The following FBXL2 variants were observed in gnomAD, a reference collection of about 807,000 sequenced individuals.
The protein encoded by FBXL2 is F-box and leucine rich repeat protein 2.
Under a neutral mutation model 69.2 loss-of-function variants are expected in FBXL2, and 38 were observed. The observed-to-expected ratio is 0.55, with a 90% CI of 0.42 to 0.72. The LOEUF is 0.72. FBXL2 is among the 30% of genes least tolerant of loss of function. FBXL2 has a pLI of 0.00. For synonymous variants in FBXL2, 192 were observed against 201.3 expected, an observed-to-expected ratio of 0.95 and a Z score of 0.39; for missense variants, 354 against 520.3, an observed-to-expected ratio of 0.68 and a Z score of 3.11.
intron 5 of FBXL2, among the ~76,000 whole-genome samples, chr3:33,370,874 G>C (rs1021880271): frequency 5.9e-5 from 9 of 152,126 alleles, no homozygotes; most frequent in African/African-American, 2.2e-4. Context: ...AGTTCCTTGG[G>C]TCTATGGGTT....
intron 1 of FBXL2, among the ~76,000 whole-genome samples, chr3:33,288,812 G>C (rs1294670745): frequency 1.3e-5 from 2 of 152,078 alleles, no homozygotes; most frequent in Non-Finnish European, 2.9e-5. Context: ...GGGATTGGTG[G>C]GGTTTATGTA....
At chr3:33,346,141 C>T (rs2040415374) in intron 2 of FBXL2, among the ~76,000 whole-genome samples, 1 of 152,016 alleles carries the variant, frequency 6.6e-6, no homozygotes, top group African/African-American at 2.4e-5. Context: ...GCAGGAGAAT[C>T]GCTTAACCTG....
chr3:33,298,834 C>G (rs2035991884), intron 2 of FBXL2, among the ~76,000 whole-genome samples: 1 of 151,588 alleles, frequency 6.6e-6, no homozygotes, highest in Non-Finnish European at 1.5e-5. Flanking sequence ...CACTGATACT[C>G]CACAAAACAA....
intron 2 of FBXL2, among the ~76,000 whole-genome samples, chr3:33,348,917 T>C (rs572864842): frequency 1.7e-3 from 254 of 152,346 alleles, no homozygotes; most frequent in Non-Finnish European, 2.4e-3. Context: ...TTTCATATTC[T>C]TCACTGTTGA....
intron 11 of FBXL2, 41 bp from the exon 12 acceptor site, chr3:33,378,062 C>G: frequency 6.2e-7 from 1 of 1,605,460 alleles, no homozygotes; most frequent in Non-Finnish European, 8.5e-7. Context: ...TTGCTGTCAC[C>G]ACTGACTCAC....
At chr3:33,315,085 T>C in intron 2 of FBXL2, among the ~76,000 whole-genome samples, 1 of 152,182 alleles carries the variant, frequency 6.6e-6, no homozygotes, top group East Asian at 1.9e-4. Flanking sequence ...ATTAAAAAGA[T>C]GTGTGCTCAA....
At chr3:33,305,092 A>G (rs1317057466) in intron 2 of FBXL2, among the ~76,000 whole-genome samples, 2 of 151,728 alleles carry the variant, frequency 1.3e-5, no homozygotes, top group Non-Finnish European at 2.9e-5. Context: ...TTTTTTTCAC[A>G]TTCTAAGGCA....
At chr3:33,327,015 A>G (rs979072718) in intron 2 of FBXL2, among the ~76,000 whole-genome samples, 1 of 152,212 alleles carries the variant, frequency 6.6e-6, no homozygotes, top group Admixed American at 6.5e-5. Flanking sequence ...AGAATTTTCT[A>G]AAGTCCTGTT....
At chr3:33,339,170 A>G (rs2039821391) in intron 2 of FBXL2, among the ~76,000 whole-genome samples, 1 of 152,254 alleles carries the variant, frequency 6.6e-6, no homozygotes, top group South Asian at 2.1e-4. Flanking sequence ...CAACAAGAAT[A>G]TGAAAAAAAG....
intron 2 of FBXL2, among the ~76,000 whole-genome samples, chr3:33,355,235 A>G (rs2041115690): frequency 6.6e-6 from 1 of 152,192 alleles, no homozygotes; most frequent in Non-Finnish European, 1.5e-5. Context: ...CTGCCAAAAA[A>G]TATTCCATTT....
chr3:33,310,241 T>G (rs1379120457), intron 2 of FBXL2, among the ~76,000 whole-genome samples: 1 of 152,114 alleles, frequency 6.6e-6, no homozygotes, highest in Non-Finnish European at 1.5e-5. Context: ...AATCTCTGCC[T>G]CCTGGGTTCA....
At chr3:33,342,900 T>TTTG (rs993028060) in intron 2 of FBXL2, among the ~76,000 whole-genome samples, 5 of 144,856 alleles carry the variant, frequency 3.5e-5, no homozygotes, top group Admixed American at 1.4e-4. Flanking sequence ...GCTGTTTTTT[T>TTTG]TTTTTTTTTT....
At chr3:33,348,969 C>G (rs1238431780) in intron 2 of FBXL2, among the ~76,000 whole-genome samples, 1 of 152,070 alleles carries the variant, frequency 6.6e-6, no homozygotes, top group Admixed American at 6.5e-5. Context: ...GGCTTTGTAT[C>G]CTGCAATTTT....
intron 11 of FBXL2, 132 bp downstream of exon 11, chr3:33,377,465 G>A (rs529060047): frequency 8.6e-6 from 7 of 813,510 alleles, no homozygotes; most frequent in Middle Eastern, 4.8e-4. Flanking sequence ...AGAACCCTTG[G>A]GGTGTGTACT....
chr3:33,321,735 A>G (rs771043951), intron 2 of FBXL2, among the ~76,000 whole-genome samples: 3 of 152,206 alleles, frequency 2.0e-5, no homozygotes, highest in Non-Finnish European at 4.4e-5. Context: ...CTCCTAGGCT[A>G]CACACCTGTA....
chr3:33,382,424 C>A (rs1156843779), intron 13 of FBXL2: 2 of 152,164 alleles, frequency 1.3e-5, no homozygotes, highest in African/African-American at 4.8e-5. Context: ...GTCGTGACTT[C>A]CAAATAGTAT....
At chr3:33,296,112 C>T (rs181510110) in intron 1 of FBXL2, among the ~76,000 whole-genome samples, 1 of 152,262 alleles carries the variant, frequency 6.6e-6, no homozygotes, top group East Asian at 1.9e-4. Flanking sequence ...GTAACCCAGG[C>T]TGGAGTGCAG....
intron 2 of FBXL2, among the ~76,000 whole-genome samples, chr3:33,333,668 A>G (rs188628752): frequency 1.3e-5 from 2 of 152,316 alleles, no homozygotes; most frequent in African/African-American, 4.8e-5. Flanking sequence ...GTGCCTGGTC[A>G]TGGTACAAGT....
At chr3:33,317,463 C>T (rs1027374327) in intron 2 of FBXL2, 6 of 456,504 alleles carry the variant, frequency 1.3e-5, no homozygotes, top group Non-Finnish European at 2.2e-5. Flanking sequence ...TACTGTCTCT[C>T]ACCCCATATT....
Sources: gnomAD v4.1 joint callset for allele counts (sites outside exome capture counted in the v4.1 genomes callset) on GRCh38, gnomAD v4.1.1 for gene constraint, MANE v1.5 for transcripts, NCBI Gene and HGNC (gene_info 2026-07-23, HGNC 2026-07-21) for gene names.